Variants in CLUH observed in about 807,000 individuals in gnomAD.
CLUH encodes clustered mitochondria protein homolog.
Under a neutral mutation model 139.3 loss-of-function variants are expected in CLUH, and 77 were observed. The ratio of observed to expected loss-of-function variants is 0.55; its 90% CI spans 0.46 to 0.67. The LOEUF is 0.67. Ranked by LOEUF, CLUH falls within the 30% of genes least tolerant of loss-of-function variation. The probability of loss-of-function intolerance (pLI) is 0.00; values close to 1 mark genes in which losing one functional copy is unlikely to be tolerated. For missense variants in CLUH, 1,876 were observed against 1,875.8 expected, an observed-to-expected ratio of 1.00 and a Z score of 0.00; for synonymous variants, 999 against 801.6, an observed-to-expected ratio of 1.25 and a Z score of -4.16.
At chr17:2,699,166 A>T (rs968785858) in intron 9 of CLUH, among the ~76,000 whole-genome samples, 6 of 147,338 alleles carry the variant, frequency 4.1e-5, no homozygotes, top group Non-Finnish European at 8.9e-5. Context: ...GTTATGTGCC[A>T]GGTGAACTTG....
chr17:2,704,351 C>T lies in CLUH; in HGVS notation c.303+11G>A. On this transcript the variant is annotated intron_variant, in intron 2 of 25. Transcript: ENST00000651024. The surrounding 1 kb of genome is among the most constrained non-coding windows in gnomAD (Gnocchi z 5.7). ...CAGGCCTGGCCCCCAGCACCCGTTC[C>T]TCCATCTTACCTGCAGGGAGAAGGG... The T allele has an allele frequency of 6.2e-7, 1 of 1,607,216 alleles. No individual in the cohort carries two copies. The highest frequency in any genetic ancestry group is 8.5e-7 in the Non-Finnish European group (1 of 1,176,856).
chr17:2,694,852 C>T lies in CLUH; in HGVS notation c.2852+5G>A, dbSNP rs370403926. ...CCCACCCCACCGCCCCTGCCCCGCA[C>T]GCACCACTCGAGGTCGAAGTCAAAG... On this transcript the variant is annotated splice_donor_5th_base_variant and intron_variant, in intron 16 of 25. Coordinates refer to ENST00000651024, the MANE Select transcript of CLUH (RefSeq NM_001366661.1). The T allele has an allele frequency of 4.3e-5, 64 of 1,502,336 alleles. No individual in the cohort carries two copies. The highest frequency in any genetic ancestry group is 1.8e-4 in the Middle Eastern group (1 of 5,676). 93.1% of individuals were successfully genotyped at this position (1,502,336 alleles called of 1,614,324 possible). A position where few individuals can be genotyped will look rare whatever the true frequency, so the allele number is the denominator to read the frequency against.
rs1177350731 is a variant in CLUH, at chr17:2,711,589, C to T, written c.73G>A (p.Gly25Arg). Residue 25 changes from glycine (G) to arginine (R), a missense_variant, in exon 1 of 26, where the codon GGG (glycine) becomes AGG (arginine). Physicochemically the swap from Gly to Arg is moderately radical, Grantham distance 125 (BLOSUM62 -2). Around this residue, in one of 3 missense-constraint regions of CLUH, gnomAD observed 152 missense variants for 136.7 expected, o/e 1.11. Coordinates refer to ENST00000651024, the MANE Select transcript of CLUH (RefSeq NM_001366661.1). ...GCCGCGCCCGGCCGCCCCTTGCCCC[C>T]GGCCTGCGAGCCGTGTTCCCGGGCG... ...DSAREHGSQA[G>R]GKGRPGAAEL... 9.2e-6 allele frequency: 9 copies of T among 983,220 alleles called. No homozygotes were observed. The highest frequency in any genetic ancestry group is 1.1e-5 in the Non-Finnish European group (9 of 828,876). 60.9% of individuals were successfully genotyped at this position (983,220 alleles called of 1,614,324 possible). A position where few individuals can be genotyped will look rare whatever the true frequency, so the allele number is the denominator to read the frequency against.
chr17:2,691,320 CTG>C (rs1567573968), intron 25 of CLUH, among the ~76,000 whole-genome samples: 3 of 151,934 alleles, frequency 2.0e-5, no homozygotes, highest in Admixed American at 1.3e-4. Flanking sequence ...TCCCAGCACT[CTG>C]AGAGGCCGAG....
intron 1 of CLUH, among the ~76,000 whole-genome samples, chr17:2,708,317 C>G (rs936698100): frequency 2.6e-5 from 4 of 152,190 alleles, no homozygotes; most frequent in Non-Finnish European, 2.9e-5. Context: ...CAGAGCCCCT[C>G]TGCTCCTACC....
rs747338554 is a variant in CLUH, at chr17:2,692,969, C to A, written c.3232-109G>T. 7 of 1,103,500 alleles carry A rather than the reference C, an allele frequency of 6.3e-6. No individual in the cohort carries two copies. In the African/African-American group the frequency reaches 1.1e-4, roughly 18 times the overall value. 68.4% of individuals were successfully genotyped at this position (1,103,500 alleles called of 1,614,324 possible). A position where few individuals can be genotyped will look rare whatever the true frequency, so the allele number is the denominator to read the frequency against. On this transcript the variant is annotated intron_variant, in intron 19 of 25. Transcript: ENST00000651024. ...GGTGCCGCTCTGCAGGCTCCTGTCC[C>A]CTCCGGCTGCGCCCAGCACAGTGCA...
chr17:2,700,442 C>G lies in CLUH; in HGVS notation c.1206G>C (p.Thr402=), dbSNP rs1031805955. ...TRDWNEELQT[T]RELPRKNLPE... ...GCAGGTTCTTGCGAGGCAGCTCCCTCGTCGTCTGCAGCTCCTCATTCCAGT... is the reference window on the plus strand; with the variant it reads ...GCAGGTTCTTGCGAGGCAGCTCCCTGGTCGTCTGCAGCTCCTCATTCCAGT... Residue 402 remains threonine, a synonymous_variant, in exon 9 of 26, where the codon ACG becomes ACC. Transcript: ENST00000651024. 1.2e-6 allele frequency: 2 copies of G among 1,613,124 alleles called. No individual in the cohort carries two copies. The highest frequency in any genetic ancestry group is 8.5e-7 in the Non-Finnish European group (1 of 1,179,778).
In CLUH at chr17:2,700,340, ACAGCGGGCCTCAGACTGCCGGT is replaced by A; in HGVS notation, c.1266+20_1266+41del. On this transcript the variant is annotated intron_variant, in intron 9 of 25. Coordinates refer to ENST00000651024, the MANE Select transcript of CLUH (RefSeq NM_001366661.1). The stretch of plus-strand genomic sequence containing the variant: ...CATGAGAAAACCCGTCAGCAGGTGG[ACAGCGGGCCTCAGACTGCCGGT>A]CAGCAGAGGCTGCAGGCACCTTGAA... The A allele has an allele frequency of 6.4e-7, 1 of 1,558,498 alleles. No homozygotes were observed. The highest frequency in any genetic ancestry group is 1.2e-5 in the South Asian group (1 of 86,218).
rs1447749888 is a variant in CLUH, at chr17:2,690,640, G to A, written c.4001C>T (p.Ser1334Phe). Residue 1334 changes from serine (S) to phenylalanine (F), a missense_variant, in exon 26 of 26, where the codon TCC becomes TTC. Physicochemically the swap from Ser to Phe is radical, Grantham distance 155 (BLOSUM62 -2). Around this residue, in one of 3 missense-constraint regions of CLUH, gnomAD observed 1,454 missense variants for 1,384.4 expected, o/e 1.05. Transcript: ENST00000651024. Reference sequence around the variant, plus strand: ...AGGGTCCTTGGCAGCCGGGGGCTGGGAGCCCAGGTCTCCTGGGGCCCCCGC... The same window carrying A: ...AGGGTCCTTGGCAGCCGGGGGCTGGAAGCCCAGGTCTCCTGGGGCCCCCGC... ...APAGAPGDLG[S>F]QPPAAKDPSP... is the part of the protein sequence containing the mutation. The A allele has an allele frequency of 6.6e-7, 1 of 1,517,596 alleles. No homozygotes were observed. The highest frequency in any genetic ancestry group is 8.8e-7 in the Non-Finnish European group (1 of 1,139,448). 94.0% of individuals were successfully genotyped at this position (1,517,596 alleles called of 1,614,324 possible).
rs1370169130 is a variant in CLUH, at chr17:2,691,744, C to G, written c.3789+17G>C. 1 of 1,597,598 alleles carries G rather than the reference C, an allele frequency of 6.3e-7. No individual in the cohort carries two copies. On this transcript the variant is annotated intron_variant, in intron 24 of 25. Transcript: ENST00000651024. The stretch of plus-strand genomic sequence containing the variant: ...CGCGCTCGCCGGGCCGGAGGGGCCG[C>G]TCCGCCCCGGACTCACCTTGAGGGG...
rs762471984 is a variant in CLUH, at chr17:2,691,924, C to CCG, written c.3655-30_3655-29insCG. The CCG allele has an allele frequency of 5.1e-4, 733 of 1,440,894 alleles. 2 individuals carry two copies. The highest frequency in any genetic ancestry group is 9.6e-4 in the Admixed American group (42 of 43,836). 89.3% of individuals were successfully genotyped at this position (1,440,894 alleles called of 1,614,324 possible). A position where few individuals can be genotyped will look rare whatever the true frequency, so the allele number is the denominator to read the frequency against. On this transcript the variant is annotated intron_variant, in intron 23 of 25. Coordinates refer to ENST00000651024, the MANE Select transcript of CLUH (RefSeq NM_001366661.1). ...CGGGGAGGCGGGAAGGGATCAGGCC[C>CCG]CCCCGTGCCCCCGCGGCCCCGCCCC...
At chr17:2,692,159 A>C in intron 22 of CLUH, 62 bp from the exon 23 acceptor site, 1 of 1,505,920 alleles carries the variant, frequency 6.6e-7, no homozygotes, top group Non-Finnish European at 9.0e-7. Flanking sequence ...TGGGGGCCTG[A>C]CTCGGGGGCC....
chr17:2,701,266 C>G lies in CLUH; in HGVS notation c.900-1G>C. 1 of 1,611,918 alleles carries G rather than the reference C, an allele frequency of 6.2e-7. No individual in the cohort carries two copies. The highest frequency in any genetic ancestry group is 8.5e-7 in the Non-Finnish European group (1 of 1,179,006). On this transcript the variant is annotated splice_acceptor_variant, in intron 6 of 25. Coordinates refer to ENST00000651024, the MANE Select transcript of CLUH (RefSeq NM_001366661.1). LOFTEE classifies it high-confidence loss of function. ...GGGGTTGAAGTGATAAGCTGTGGAC[C>G]TGCAGGGAGAGGGCGGGCACTGAGC...
In CLUH at chr17:2,696,719, C is replaced by G; in HGVS notation, c.2185G>C (p.Ala729Pro). The G allele has an allele frequency of 6.2e-7, 1 of 1,611,696 alleles. No homozygotes were observed. Among genetic ancestry groups the G allele is most frequent in the Non-Finnish European group, 8.5e-7 (1 of 1,179,712 alleles). ...AETIAADDGT[A>P]DPRSREVIRN... is the part of the protein sequence containing the mutation. ...TCCCGGCCATCTGCAGCAGCCCCAC[C>G]TGTGCCGTCGTCTGCGGCGATGGTC... is the stretch of plus-strand genomic sequence containing the variant. Residue 729 changes from alanine to proline, a missense_variant and splice_region_variant, in exon 11 of 26, where the codon GCA becomes CCA. By Grantham distance (27) the Ala-to-Pro change is conservative. Coordinates refer to ENST00000651024, the MANE Select transcript of CLUH (RefSeq NM_001366661.1).
chr17:2,698,703 C>A, intron 9 of CLUH, 113 bp from the exon 10 acceptor site: 1 of 988,514 alleles, frequency 1.0e-6, no homozygotes, highest in Non-Finnish European at 1.4e-6. Context: ...CCTTGGAAAC[C>A]CAAGGACCCG....
intron 9 of CLUH, among the ~76,000 whole-genome samples, chr17:2,700,061 C>T (rs1410296942): frequency 6.6e-6 from 1 of 152,270 alleles, no homozygotes; most frequent in Admixed American, 6.5e-5. Flanking sequence ...CCATGGCCGG[C>T]CAGTGCTCGC....
Position 2,704,850 on chromosome 17 carries a change from C to T in CLUH, c.101-286G>A, listed in dbSNP as rs1241703146. 6.6e-6 allele frequency among the ~76,000 whole-genome samples: 1 copy of T among 152,080 alleles called. No homozygotes were observed. The highest frequency in any genetic ancestry group is 1.9e-4 in the East Asian group (1 of 5,180). ...CCAAAGCCACCCTTCAAGCCAAGCC[C>T]GAGGGTCTCCTCCGGCCCTAACACA... On this transcript the variant is annotated intron_variant, in intron 1 of 25. Transcript: ENST00000651024. The surrounding 1 kb of genome is among the most constrained non-coding windows in gnomAD (Gnocchi z 5.7).
chr17:2,692,589 G>C lies in CLUH; in HGVS notation c.3420C>G (p.Pro1140=). The part of the protein sequence containing the change: ...LMLLVFGEDH[P]EMALLDNNIG... ...CACTCACGTCCAGCAGCGCCATCTC[G>C]GGGTGGTCTTCCCCGAACACCAGCA... The change falls in exon 21 of 26, where the codon CCC becomes CCG. Residue 1140 remains proline, a synonymous_variant. Transcript: ENST00000651024. The C allele has an allele frequency of 3.7e-6, 6 of 1,612,282 alleles. No individual in the cohort carries two copies. The highest frequency in any genetic ancestry group is 5.1e-6 in the Non-Finnish European group (6 of 1,179,522).
intron 19 of CLUH, among the ~76,000 whole-genome samples, chr17:2,693,081 T>TA (rs1408529639): frequency 8.5e-6 from 1 of 118,270 alleles, no homozygotes; most frequent in Non-Finnish European, 1.6e-5. Context: ...ACCCATGTCT[T>TA]ACACCCAACA....
Sources: allele counts gnomAD v4.1 joint callset (sites outside exome capture counted in the v4.1 genomes callset), GRCh38; gene constraint gnomAD v4.1.1; regional missense constraint gnomAD v4.1.1; non-coding constraint Gnocchi (gnomAD v3.1); transcripts MANE v1.5; gene names NCBI Gene and HGNC (gene_info 2026-07-23, HGNC 2026-07-21).